The following SORCS3 variants were observed in gnomAD, a reference collection of about 807,000 sequenced individuals.
The protein encoded by SORCS3 is sortilin related VPS10 domain containing receptor 3, also known as VPS10 domain-containing receptor SorCS3.
Under a neutral mutation model 146.3 loss-of-function variants are expected in SORCS3, and 57 were observed. The ratio of observed to expected loss-of-function variants is 0.39; its 90% CI spans 0.31 to 0.49. The LOEUF is 0.49. Among genes scored for constraint, SORCS3 ranks in the 20% least tolerant of loss-of-function variants. The probability of loss-of-function intolerance (pLI) is 0.92; values close to 1 mark genes in which losing one functional copy is unlikely to be tolerated. For synonymous variants in SORCS3, 653 were observed against 618.5 expected (o/e 1.06, Z -0.83); for missense variants, 1,341 against 1,575.5 (o/e 0.85, Z 2.52).
chr10:104,930,220 T>G (rs1439712456), intron 3 of SORCS3, among the ~76,000 whole-genome samples: 1 of 152,246 alleles, frequency 6.6e-6, no homozygotes, highest in Non-Finnish European at 1.5e-5. Context: ...ACTGTTATTC[T>G]TAATTTGAGA....
intron 7 of SORCS3, among the ~76,000 whole-genome samples, chr10:105,117,628 T>C (rs2055902650): frequency 6.6e-6 from 1 of 152,206 alleles, no homozygotes; most frequent in Admixed American, 6.5e-5. Flanking sequence ...GGTAAAACTT[T>C]CTTTGAACCT....
chr10:104,887,391 C>A (rs573608420), intron 2 of SORCS3, among the ~76,000 whole-genome samples: 1 of 152,076 alleles, frequency 6.6e-6, no homozygotes, highest in Non-Finnish European at 1.5e-5. Flanking sequence ...TTGGGGAGAC[C>A]TGGAGTCATT....
intron 1 of SORCS3, among the ~76,000 whole-genome samples, chr10:104,738,751 C>A (rs1471836600): frequency 6.6e-6 from 1 of 152,160 alleles, no homozygotes; most frequent in Admixed American, 6.5e-5. Context: ...ATATGGAGAA[C>A]AATTCATTGT....
chr10:105,094,303 TG>T (rs1177179079), intron 6 of SORCS3, among the ~76,000 whole-genome samples: 1 of 152,240 alleles, frequency 6.6e-6, no homozygotes, highest in Admixed American at 6.5e-5. Flanking sequence ...TCTATATATC[TG>T]TTCAAACTTA....
At chr10:105,025,792 G>T (rs2055224336) in intron 4 of SORCS3, among the ~76,000 whole-genome samples, 1 of 145,234 alleles carries the variant, frequency 6.9e-6, no homozygotes, top group Admixed American at 7.0e-5. Flanking sequence ...ATAAGTATTG[G>T]GTGAATATCC....
intron 1 of SORCS3, among the ~76,000 whole-genome samples, chr10:104,726,173 T>TTCCCCTTA (rs1271331387): frequency 6.6e-6 from 1 of 152,192 alleles, no homozygotes; most frequent in African/African-American, 2.4e-5. Context: ...CAGAGGCAAA[T>TTCCCCTTA]TCCCCTTATC....
At chr10:105,013,978 CACAG>C (rs1257865394) in intron 4 of SORCS3, among the ~76,000 whole-genome samples, 5 of 108,650 alleles carry the variant, frequency 4.6e-5, no homozygotes, top group Non-Finnish European at 9.2e-5. Context: ...CACACAGACA[CACAG>C]ACACACACAC....
rs182717471 is a variant in SORCS3 at position 104,688,753 on chromosome 10, C to T, written c.627+46799C>T. 1.0e-3 allele frequency among the ~76,000 whole-genome samples: 158 copies of T among 152,292 alleles called. 1 individual carries two copies. Among genetic ancestry groups the T allele is most frequent in the Admixed American group, 2.4e-3 (37 of 15,306 alleles). On this transcript the variant is annotated intron_variant, in intron 1 of 26. Coordinates refer to ENST00000369701, the MANE Select transcript of SORCS3 (RefSeq NM_014978.3). ...AGTACCTCTGTGGGTGGGATTCTGA[C>T]GCATCCTTAGTTACCTGCTGTTCCA... is the stretch of plus-strand genomic sequence containing the variant.
At chr10:104,920,857 AT>A (rs1589549931) in intron 3 of SORCS3, among the ~76,000 whole-genome samples, 1 of 152,212 alleles carries the variant, frequency 6.6e-6, no homozygotes, top group East Asian at 1.9e-4. Context: ...TGGCATCAGC[AT>A]TATTTTAATG....
chr10:105,136,938 G>A (rs1285014328), intron 7 of SORCS3, among the ~76,000 whole-genome samples: 1 of 152,174 alleles, frequency 6.6e-6, no homozygotes, highest in Non-Finnish European at 1.5e-5. Flanking sequence ...TGGGTTGTGT[G>A]TGAGCTTTTA....
At chr10:104,734,180 C>T (rs1012896191) in intron 1 of SORCS3, among the ~76,000 whole-genome samples, 7 of 152,232 alleles carry the variant, frequency 4.6e-5, no homozygotes, top group East Asian at 3.9e-4. Flanking sequence ...AGGAAGATCT[C>T]GTCCCTAGAA....
At chr10:104,907,455 C>T (rs1169061330) in intron 2 of SORCS3, among the ~76,000 whole-genome samples, 1 of 152,160 alleles carries the variant, frequency 6.6e-6, no homozygotes, top group Non-Finnish European at 1.5e-5. Flanking sequence ...AAGAAAGAAA[C>T]TGAAGATCTG....
chr10:105,071,839 C>CTTAA (rs2055558554), intron 5 of SORCS3, among the ~76,000 whole-genome samples: 1 of 152,144 alleles, frequency 6.6e-6, no homozygotes, highest in South Asian at 2.1e-4. Flanking sequence ...GAAACGAAGG[C>CTTAA]TTAAGTTTGT....
intron 1 of SORCS3, among the ~76,000 whole-genome samples, chr10:104,652,339 T>G (rs2015573214): frequency 6.6e-6 from 1 of 152,192 alleles, no homozygotes; most frequent in Non-Finnish European, 1.5e-5. Flanking sequence ...GTGCAGCCCA[T>G]CTCACCACAA....
intron 1 of SORCS3, among the ~76,000 whole-genome samples, chr10:104,777,768 G>T (rs2017326395): frequency 6.6e-6 from 1 of 152,188 alleles, no homozygotes; most frequent in Non-Finnish European, 1.5e-5. Flanking sequence ...TAGTGTATTT[G>T]AAAGAGATTA....
intron 2 of SORCS3, among the ~76,000 whole-genome samples, chr10:104,859,524 T>C (rs2018376125): frequency 6.6e-6 from 1 of 152,162 alleles, no homozygotes; most frequent in Admixed American, 6.5e-5. Flanking sequence ...ACTTCATGTC[T>C]AAAACACCAA....
chr10:105,028,587 G>T (rs2055245241), intron 4 of SORCS3, among the ~76,000 whole-genome samples: 1 of 152,064 alleles, frequency 6.6e-6, no homozygotes. Flanking sequence ...CAAACAGCCT[G>T]GTTTGAATCC....
At chr10:104,947,633 G>T (rs970073343) in intron 3 of SORCS3, among the ~76,000 whole-genome samples, 3 of 152,122 alleles carry the variant, frequency 2.0e-5, no homozygotes, top group East Asian at 1.9e-4. Context: ...TTTTGTTGTT[G>T]TTGTTTTGAG....
chr10:105,249,579 A>AT (rs1410274444), intron 22 of SORCS3, among the ~76,000 whole-genome samples: 1 of 152,212 alleles, frequency 6.6e-6, no homozygotes, highest in Non-Finnish European at 1.5e-5. Flanking sequence ...GAGACTATTC[A>AT]TAGAAAGAGA....
Sources: allele counts gnomAD v4.1 joint callset (sites outside exome capture counted in the v4.1 genomes callset), GRCh38; gene constraint gnomAD v4.1.1; transcripts MANE v1.5; gene names NCBI Gene and HGNC (gene_info 2026-07-23, HGNC 2026-07-21).